AXDND1: variants seen among roughly 807,000 people sequenced by gnomAD.
The protein encoded by AXDND1 is axonemal dynein light chain domain-containing protein 1.
A neutral mutation model predicts 137.5 loss-of-function variants in AXDND1; 110 were observed. The observed-to-expected ratio is 0.80, with a 90% CI of 0.69 to 0.94. The LOEUF (loss-of-function observed/expected upper bound fraction) is 0.94, where lower values mean the gene tolerates loss of function less well. Among genes scored for constraint, AXDND1 ranks in the 40% least tolerant of loss-of-function variants. AXDND1 has a pLI of 0.00. For synonymous variants in AXDND1, 414 were observed against 399.7 expected (o/e 1.04, Z -0.43); for missense variants, 1,191 against 1,169.8 (o/e 1.02, Z -0.26).
chr1:179,476,698 G>C (rs570528102), intron 17 of AXDND1, among the ~76,000 whole-genome samples: 1 of 152,120 alleles, frequency 6.6e-6, no homozygotes, highest in East Asian at 1.9e-4. Context: ...GGCACCTATT[G>C]TTTATTTTGA....
chr1:179,393,996 T>C lies in AXDND1; in HGVS notation c.957T>C (p.Ile319=). ...LVTQRVMDQR[I]LEELYNFKHV... is the part of the protein sequence containing the mutation. ...CTCAGCGAGTGATGGACCAGCGCATTTTAGAAGAATTGTATAATTTCAAGC... is the reference window on the plus strand; with the variant it reads ...CTCAGCGAGTGATGGACCAGCGCATCTTAGAAGAATTGTATAATTTCAAGC... Residue 319 remains isoleucine, a synonymous_variant, in exon 10 of 26, where the codon ATT becomes ATC. Transcript: ENST00000367618. The C allele has an allele frequency of 6.2e-7, 1 of 1,610,796 alleles. No homozygotes were observed. The highest frequency in any genetic ancestry group is 1.1e-5 in the South Asian group (1 of 90,344).
At chr1:179,401,816 A>G (rs1490553334) in intron 11 of AXDND1, among the ~76,000 whole-genome samples, 2 of 151,876 alleles carry the variant, frequency 1.3e-5, no homozygotes, top group Non-Finnish European at 2.9e-5. Context: ...TTCCACCATG[A>G]TTGTGAGGCC....
At chr1:179,413,116 AAAAC>A (rs1195418630) in intron 12 of AXDND1, among the ~76,000 whole-genome samples, 1 of 152,252 alleles carries the variant, frequency 6.6e-6, no homozygotes, top group Non-Finnish European at 1.5e-5. Flanking sequence ...ATATACAAAA[AAAAC>A]AAATCCACAC....
intron 9 of AXDND1, among the ~76,000 whole-genome samples, chr1:179,390,514 A>T (rs548754925): frequency 3.3e-5 from 5 of 152,354 alleles, no homozygotes; most frequent in Admixed American, 3.3e-4. Context: ...TCATGAATTT[A>T]ACTATTTATA....
At chr1:179,476,541 G>A (rs967871761) in intron 17 of AXDND1, among the ~76,000 whole-genome samples, 1 of 136,146 alleles carries the variant, frequency 7.3e-6, no homozygotes, top group Non-Finnish European at 1.6e-5. Context: ...AAGTCTACTA[G>A]CAACAAATTC....
At chr1:179,411,051 TTACC>T in intron 11 of AXDND1, 91 bp from the exon 12 acceptor site, 2 of 961,950 alleles carry the variant, frequency 2.1e-6, no homozygotes, top group Non-Finnish European at 3.0e-6. Context: ...AAGGAACACA[TTACC>T]TATTTTAAAA....
At chr1:179,472,189 C>T (rs1664031863) in intron 17 of AXDND1, among the ~76,000 whole-genome samples, 1 of 152,074 alleles carries the variant, frequency 6.6e-6, no homozygotes. Flanking sequence ...GCCACTGCGC[C>T]CGGACTATGT....
chr1:179,372,962 C>A (rs771623881), intron 4 of AXDND1, among the ~76,000 whole-genome samples: 1 of 152,066 alleles, frequency 6.6e-6, no homozygotes. Flanking sequence ...GGATTATAGG[C>A]GTGAGCTACC....
At chr1:179,553,234 T>C (rs140484886) in intron 25 of AXDND1, among the ~76,000 whole-genome samples, 4 of 152,360 alleles carry the variant, frequency 2.6e-5, no homozygotes, top group Admixed American at 2.0e-4. Flanking sequence ...AGTTACCATG[T>C]GACCTAGTAA....
At chr1:179,375,710 A>G (rs917370743) in intron 4 of AXDND1, among the ~76,000 whole-genome samples, 2 of 152,156 alleles carry the variant, frequency 1.3e-5, no homozygotes, top group Admixed American at 6.6e-5. Context: ...TGGTGTGATA[A>G]GAACTGCTGT....
At chr1:179,413,601 A>G (rs1158458455) in intron 12 of AXDND1, among the ~76,000 whole-genome samples, 1 of 152,236 alleles carries the variant, frequency 6.6e-6, no homozygotes, top group Non-Finnish European at 1.5e-5. Flanking sequence ...TGGCTGCATA[A>G]TATTCCATGG....
chr1:179,384,003 G>T (rs1648807234), intron 8 of AXDND1, among the ~76,000 whole-genome samples: 1 of 152,094 alleles, frequency 6.6e-6, no homozygotes, highest in Non-Finnish European at 1.5e-5. Context: ...GGGATTACAG[G>T]CATGAACCAC....
At chr1:179,499,458 G>C (rs1021672770) in intron 20 of AXDND1, among the ~76,000 whole-genome samples, 3 of 152,106 alleles carry the variant, frequency 2.0e-5, no homozygotes, top group Non-Finnish European at 2.9e-5. Flanking sequence ...AAAGATTAGT[G>C]GCTGCCTGGA....
At chr1:179,456,308 T>C in intron 16 of AXDND1, 1 of 748,408 alleles carries the variant, frequency 1.3e-6, no homozygotes, top group Non-Finnish European at 2.4e-6. Flanking sequence ...AGTATTGGCC[T>C]CCACCACCAC....
intron 23 of AXDND1, among the ~76,000 whole-genome samples, chr1:179,532,042 G>C (rs1218039828): frequency 6.6e-6 from 1 of 152,146 alleles, no homozygotes. Flanking sequence ...TGATGCATGG[G>C]GGATTGCCAT....
chr1:179,371,551 G>A (rs1000843551), intron 4 of AXDND1, among the ~76,000 whole-genome samples: 5 of 152,184 alleles, frequency 3.3e-5, no homozygotes, highest in African/African-American at 4.8e-5. Context: ...TTTCACTGTA[G>A]TCTCAGAACC....
intron 16 of AXDND1, chr1:179,447,515 C>T (rs994854723): frequency 1.9e-5 from 11 of 572,526 alleles, no homozygotes; most frequent in Middle Eastern, 4.7e-4. Flanking sequence ...CTACAGTTGG[C>T]GCAGAAAATT....
intron 20 of AXDND1, among the ~76,000 whole-genome samples, chr1:179,501,205 A>G (rs1667964513): frequency 6.6e-6 from 1 of 152,146 alleles, no homozygotes; most frequent in Non-Finnish European, 1.5e-5. Flanking sequence ...TATTCAAAGA[A>G]CCAAGAATAG....
At chr1:179,374,054 G>A (rs1057397800) in intron 4 of AXDND1, among the ~76,000 whole-genome samples, 26 of 152,030 alleles carry the variant, frequency 1.7e-4, no homozygotes, top group African/African-American at 6.0e-4. Context: ...CTACAGAATG[G>A]GAGAAAATTT....
Sources: gnomAD v4.1 joint callset for allele counts (sites outside exome capture counted in the v4.1 genomes callset) on GRCh38, gnomAD v4.1.1 for gene constraint, MANE v1.5 for transcripts, NCBI Gene and HGNC (gene_info 2026-07-23, HGNC 2026-07-21) for gene names.